PIK3C2G: variants seen among roughly 807,000 people sequenced by gnomAD.
PIK3C2G encodes phosphatidylinositol 3-kinase C2 domain-containing subunit gamma.
A neutral mutation model predicts 181.1 loss-of-function variants in PIK3C2G; 168 were observed. The observed-to-expected ratio is 0.93, with a 90% confidence interval of 0.82 to 1.05. The LOEUF (loss-of-function observed/expected upper bound fraction) is 1.05, where lower values mean the gene tolerates loss of function less well. Ranked by LOEUF, PIK3C2G falls within the 50% of genes least tolerant of loss-of-function variation. The pLI, the probability that PIK3C2G is intolerant of heterozygous loss-of-function variation, is 0.00. For synonymous variants in PIK3C2G, 573 were observed against 592.2 expected, an observed-to-expected ratio of 0.97 and a Z score of 0.47; for missense variants, 1,869 against 1,732.8, an observed-to-expected ratio of 1.08 and a Z score of -1.40.
intron 31 of PIK3C2G, among the ~76,000 whole-genome samples, chr12:18,614,753 A>G (rs532244757): frequency 1.3e-5 from 2 of 152,194 alleles, no homozygotes; most frequent in East Asian, 1.9e-4. Context: ...TCTACATTCA[A>G]TCTTTCTCTG....
At chr12:18,516,449 T>C (rs1942553429) in intron 24 of PIK3C2G, among the ~76,000 whole-genome samples, 1 of 152,026 alleles carries the variant, frequency 6.6e-6, no homozygotes, top group Admixed American at 6.6e-5. Flanking sequence ...TAATGTGTCT[T>C]GGGGAATTTC....
upstream of PIK3C2G, among the ~76,000 whole-genome samples, chr12:18,256,988 T>C (rs1178759898): frequency 2.0e-5 from 3 of 152,106 alleles, no homozygotes; most frequent in African/African-American, 7.2e-5. Flanking sequence ...AACTCTTCCG[T>C]TCTCAATATG....
the PIK3C2G span, among the ~76,000 whole-genome samples, chr12:18,699,615 A>C: frequency 6.6e-6 from 1 of 152,182 alleles, no homozygotes; most frequent in Non-Finnish European, 1.5e-5. Context: ...TTAATGGCTA[A>C]GTTCCATGAA....
intron 5 of PIK3C2G, among the ~76,000 whole-genome samples, chr12:18,306,092 C>G (rs1950410134): frequency 6.6e-6 from 1 of 151,828 alleles, no homozygotes; most frequent in Admixed American, 6.6e-5. Context: ...GCAGAATGTT[C>G]CATTTTTTGA....
intron 29 of PIK3C2G, among the ~76,000 whole-genome samples, chr12:18,573,423 G>A (rs969476461): frequency 6.6e-6 from 1 of 152,128 alleles, no homozygotes; most frequent in African/African-American, 2.4e-5. Flanking sequence ...CTTTTCTCCT[G>A]TGTCTGCAAA....
chr12:18,683,375 G>T, the PIK3C2G span: 1 of 1,561,406 alleles, frequency 6.4e-7, no homozygotes. Flanking sequence ...AATCAGTGGT[G>T]TCTCCAATAG....
intron 7 of PIK3C2G, 151 bp from the exon 8 acceptor site, chr12:18,324,884 A>T (rs957299305): frequency 7.6e-6 from 4 of 527,018 alleles, no homozygotes; most frequent in Admixed American, 7.7e-5. Flanking sequence ...CCCTTCTGAG[A>T]TGTTTTTAAA....
chr12:18,334,240 AC>A (rs1161646467), intron 8 of PIK3C2G, among the ~76,000 whole-genome samples: 1 of 152,116 alleles, frequency 6.6e-6, no homozygotes, highest in Non-Finnish European at 1.5e-5. Context: ...AATCTGGAGC[AC>A]CTTTCTACTC....
chr12:18,366,958 T>C (rs577508064), intron 12 of PIK3C2G, among the ~76,000 whole-genome samples: 1 of 152,156 alleles, frequency 6.6e-6, no homozygotes, highest in Non-Finnish European at 1.5e-5. Context: ...AAGGAATTTA[T>C]TTTTCTTAAT....
intron 31 of PIK3C2G, among the ~76,000 whole-genome samples, chr12:18,618,464 A>C (rs1303746557): frequency 1.3e-5 from 2 of 152,230 alleles, no homozygotes; most frequent in Non-Finnish European, 2.9e-5. Context: ...TTATATTCCT[A>C]ATATAACTAG....
At chr12:18,368,230 T>C (rs1034424556) in intron 12 of PIK3C2G, among the ~76,000 whole-genome samples, 2 of 152,188 alleles carry the variant, frequency 1.3e-5, no homozygotes, top group Non-Finnish European at 2.9e-5. Flanking sequence ...ACCTGTGTAT[T>C]AAATGCACAA....
chr12:18,596,584 G>A (rs1427786343), intron 30 of PIK3C2G, among the ~76,000 whole-genome samples: 3 of 152,234 alleles, frequency 2.0e-5, no homozygotes, highest in East Asian at 1.9e-4. Flanking sequence ...CATAGGTAAT[G>A]GAGTAGAACA....
At chr12:18,313,820 A>ACACACACACG in intron 5 of PIK3C2G, 142 bp from the exon 6 acceptor site, 2 of 542,078 alleles carry the variant, frequency 3.7e-6, no homozygotes, top group South Asian at 2.9e-5. Flanking sequence ...ACACACACAC[A>ACACACACACG]CACACACACG....
At chr12:18,536,960 AT>A (rs1438719837) in intron 24 of PIK3C2G, among the ~76,000 whole-genome samples, 1 of 152,078 alleles carries the variant, frequency 6.6e-6, no homozygotes, top group East Asian at 1.9e-4. Context: ...TCCTCCAGGC[AT>A]TGTGGTAGCA....
intron 5 of PIK3C2G, among the ~76,000 whole-genome samples, chr12:18,312,694 G>T (rs572568423): frequency 9.9e-5 from 15 of 152,078 alleles, no homozygotes; most frequent in Admixed American, 4.6e-4. Flanking sequence ...GATACCCCAG[G>T]GACAAGAATC....
chr12:18,431,767 A>G (rs1384982687), intron 18 of PIK3C2G, among the ~76,000 whole-genome samples: 3 of 152,214 alleles, frequency 2.0e-5, no homozygotes, highest in African/African-American at 7.2e-5. Flanking sequence ...GTAATAAATG[A>G]TGAATTATTG....
intron 18 of PIK3C2G, among the ~76,000 whole-genome samples, chr12:18,444,712 T>C (rs1946934156): frequency 6.6e-6 from 1 of 152,158 alleles, no homozygotes; most frequent in Non-Finnish European, 1.5e-5. Flanking sequence ...TGATTTGACG[T>C]TTTATCTAAC....
chr12:18,454,009 TA>T (rs1356638365), intron 18 of PIK3C2G, among the ~76,000 whole-genome samples: 2 of 152,178 alleles, frequency 1.3e-5, no homozygotes, highest in African/African-American at 4.8e-5. Context: ...TTTGTACACC[TA>T]TCTGATACAC....
chr12:18,582,629 GA>G (rs1946562295), intron 29 of PIK3C2G, among the ~76,000 whole-genome samples: 1 of 152,154 alleles, frequency 6.6e-6, no homozygotes, highest in South Asian at 2.1e-4. Context: ...CGCTTCCACA[GA>G]ACCTGGCAGG....
Sources: allele counts gnomAD v4.1 joint callset (sites outside exome capture counted in the v4.1 genomes callset), GRCh38; gene constraint gnomAD v4.1.1; transcripts MANE v1.5; gene names NCBI Gene and HGNC (gene_info 2026-07-23, HGNC 2026-07-21).